The following MEGF10 variants were observed in gnomAD, a reference collection of about 807,000 sequenced individuals.
The protein encoded by MEGF10 is multiple epidermal growth factor-like domains protein 10.
Under a neutral mutation model 147.5 loss-of-function variants are expected in MEGF10, and 86 were observed. The ratio of observed to expected loss-of-function variants is 0.58; its 90% CI spans 0.49 to 0.70. The LOEUF is 0.70. Ranked by LOEUF, MEGF10 falls within the 30% of genes least tolerant of loss-of-function variation. The pLI is 0.00. For synonymous variants in MEGF10, 478 were observed against 525.5 expected (o/e 0.91, Z 1.24); for missense variants, 1,329 against 1,487.3 (o/e 0.89, Z 1.75).
intron 14 of MEGF10, 31 bp downstream of exon 14, chr5:127,433,540 C>T (rs571940691): frequency 3.8e-6 from 6 of 1,563,990 alleles, no homozygotes; most frequent in Non-Finnish European, 5.2e-6. Flanking sequence ...TAATTTCCAC[C>T]TTCCCTTCCC....
intron 11 of MEGF10, 134 bp from the exon 12 acceptor site, chr5:127,419,910 C>T: frequency 1.9e-6 from 2 of 1,037,600 alleles, no homozygotes; most frequent in Non-Finnish European, 2.7e-6. Context: ...CTTGGCAGAA[C>T]CAGTGTTCTC....
intron 1 of MEGF10, among the ~76,000 whole-genome samples, chr5:127,323,387 G>T (rs1760869973): frequency 6.6e-6 from 1 of 152,212 alleles, no homozygotes; most frequent in Non-Finnish European, 1.5e-5. Flanking sequence ...TGGAAGAATA[G>T]CAGATGTACC....
the MEGF10 span, among the ~76,000 whole-genome samples, chr5:127,263,426 G>A: frequency 6.6e-6 from 1 of 152,016 alleles, no homozygotes; most frequent in Non-Finnish European, 1.5e-5. Context: ...TTTGGCAATG[G>A]TTTTACAATT....
intron 5 of MEGF10, among the ~76,000 whole-genome samples, chr5:127,377,099 A>G (rs998037713): frequency 3.9e-5 from 6 of 152,152 alleles, no homozygotes; most frequent in Non-Finnish European, 7.4e-5. Context: ...CTCATTCATA[A>G]TCTTGTGAAT....
chr5:127,327,821 T>G (rs1761099477), intron 1 of MEGF10, among the ~76,000 whole-genome samples: 1 of 151,822 alleles, frequency 6.6e-6, no homozygotes, highest in African/African-American at 2.4e-5. Flanking sequence ...TTCAAGCAAT[T>G]CTTCTGCCTC....
chr5:127,426,430 T>C (rs1765212339), intron 13 of MEGF10, among the ~76,000 whole-genome samples: 1 of 152,222 alleles, frequency 6.6e-6, no homozygotes, highest in Admixed American at 6.5e-5. Context: ...TTTAAAACCT[T>C]AATTTATTGT....
At chr5:127,435,752 T>C (rs1237994371) in intron 16 of MEGF10, among the ~76,000 whole-genome samples, 2 of 152,176 alleles carry the variant, frequency 1.3e-5, no homozygotes, top group African/African-American at 2.4e-5. Context: ...TTTTCAGTGA[T>C]TCATCGTCCA....
Position 127,396,679 on chromosome 5 carries a change from A to G in MEGF10, c.560A>G (p.Tyr187Cys), listed in dbSNP as rs1422419200. Residue 187 changes from tyrosine to cysteine, a missense_variant, in exon 6 of 25, where the codon TAT becomes TGT. By Grantham distance (194) the Tyr-to-Cys change is radical. This residue lies in a region of MEGF10 where 980 missense variants were observed against 1,085.9 expected (regional missense o/e 0.90). Transcript: ENST00000503335. ...RCEDRCEQGTYGNDCHQRCQC... is the reference protein window; with the variant it reads ...RCEDRCEQGTCGNDCHQRCQC... ...GAGGACCGCTGTGAGCAGGGCACCT[A>G]TGGTAACGACTGTCATCAGAGATGC... 4 of 1,614,040 alleles carry G rather than the reference A, an allele frequency of 2.5e-6. No individual in the cohort carries two copies. The highest frequency in any genetic ancestry group is 1.1e-5 in the South Asian group (1 of 91,068).
chr5:127,406,332 A>G (rs778627946), intron 8 of MEGF10, among the ~76,000 whole-genome samples: 5 of 152,200 alleles, frequency 3.3e-5, no homozygotes, highest in Non-Finnish European at 5.9e-5. Flanking sequence ...TTGCTTCTCG[A>G]CCTGCTGCTC....
At chr5:127,309,982 T>TTTCTTTC (rs1300908570) in intron 1 of MEGF10, among the ~76,000 whole-genome samples, 1 of 74,012 alleles carries the variant, frequency 1.4e-5, no homozygotes, top group Non-Finnish European at 3.1e-5. Flanking sequence ...TCTTTCTTTC[T>TTTCTTTC]TTCTTTCTTT....
the MEGF10 span, among the ~76,000 whole-genome samples, chr5:127,283,512 T>C: frequency 1.4e-3 from 216 of 152,286 alleles, 1 homozygote; most frequent in African/African-American, 4.8e-3. Flanking sequence ...GCTGCCCCAA[T>C]ACACCAGCAA....
At chr5:127,380,333 G>A (rs1763202763) in intron 5 of MEGF10, among the ~76,000 whole-genome samples, 1 of 152,096 alleles carries the variant, frequency 6.6e-6, no homozygotes, top group Non-Finnish European at 1.5e-5. Context: ...TAGAGGAGCT[G>A]AAGTATGTAA....
chr5:127,246,400 A>T, the MEGF10 span, among the ~76,000 whole-genome samples: 1 of 152,156 alleles, frequency 6.6e-6, no homozygotes, highest in Non-Finnish European at 1.5e-5. Flanking sequence ...TGGGAGTTGA[A>T]CAATGAGAAT....
intron 5 of MEGF10, among the ~76,000 whole-genome samples, chr5:127,382,005 A>G (rs1364415309): frequency 6.6e-6 from 1 of 152,230 alleles, no homozygotes; most frequent in African/African-American, 2.4e-5. Context: ...GGCGTCTGTC[A>G]TGGCTATATC....
At chr5:127,251,744 T>G in the MEGF10 span, among the ~76,000 whole-genome samples, 2 of 151,940 alleles carry the variant, frequency 1.3e-5, no homozygotes, top group African/African-American at 4.8e-5. Context: ...AGAAAGCCTA[T>G]CGAAGTAAGA....
At chr5:127,382,291 G>A (rs951398667) in intron 5 of MEGF10, among the ~76,000 whole-genome samples, 2 of 152,088 alleles carry the variant, frequency 1.3e-5, no homozygotes, top group South Asian at 2.1e-4. Flanking sequence ...TATTCCAGTA[G>A]AACAAATAGT....
intron 12 of MEGF10, among the ~76,000 whole-genome samples, chr5:127,420,632 G>A (rs1764961383): frequency 6.6e-6 from 1 of 152,092 alleles, no homozygotes; most frequent in Non-Finnish European, 1.5e-5. Flanking sequence ...AATGCTCATG[G>A]AAGTGTTGAA....
intron 4 of MEGF10, among the ~76,000 whole-genome samples, chr5:127,369,247 G>C (rs1762763447): frequency 6.6e-6 from 1 of 152,178 alleles, no homozygotes; most frequent in Non-Finnish European, 1.5e-5. Flanking sequence ...GAAATCATCA[G>C]ACTGTCCATT....
the MEGF10 span, among the ~76,000 whole-genome samples, chr5:127,259,349 C>G: frequency 1.3e-5 from 2 of 152,132 alleles, no homozygotes; most frequent in Non-Finnish European, 2.9e-5. Context: ...AGCTTCCATT[C>G]TATTTGGTGG....
Sources: gnomAD v4.1 joint callset for allele counts (sites outside exome capture counted in the v4.1 genomes callset) on GRCh38, gnomAD v4.1.1 for gene constraint, gnomAD v4.1.1 regional missense constraint, MANE v1.5 for transcripts, NCBI Gene and HGNC (gene_info 2026-07-23, HGNC 2026-07-21) for gene names.